Variants in JAG1 observed in about 807,000 individuals in gnomAD.
The protein encoded by JAG1 is jagged canonical Notch ligand 1, also known as protein jagged-1.
JAG1 carries 23 observed loss-of-function variants against 148.7 expected under a neutral mutation model. The ratio of observed to expected loss-of-function variants is 0.15; its 90% CI spans 0.11 to 0.22. The LOEUF (loss-of-function observed/expected upper bound fraction) is 0.22, where lower values mean the gene tolerates loss of function less well. Ranked by LOEUF, JAG1 falls within the 10% of genes least tolerant of loss-of-function variation. The probability of loss-of-function intolerance (pLI) is 1.00; values close to 1 mark genes in which losing one functional copy is unlikely to be tolerated. For synonymous variants in JAG1, 572 were observed against 598.3 expected (o/e 0.96, Z 0.64); for missense variants, 1,054 against 1,611.2 (o/e 0.65, Z 5.92).
At chr20:10,659,078 T>C (rs1270987396) in intron 3 of JAG1, among the ~76,000 whole-genome samples, 1 of 151,876 alleles carries the variant, frequency 6.6e-6, no homozygotes, top group Admixed American at 6.6e-5. Context: ...ACTCTAGAAA[T>C]GGAAGTGCTG....
At position 10,639,822 on chromosome 20, in the gene JAG1, G is replaced by A. The variant is rs141439542; in HGVS notation, c.3333C>T (p.Thr1111=). The A allele has an allele frequency of 8.1e-5, 131 of 1,614,186 alleles. No individual in the cohort carries two copies. The highest frequency in any genetic ancestry group is 1.0e-4 in the Non-Finnish European group (121 of 1,180,044). The change falls in exon 26 of 26, where the codon ACC becomes ACT. Residue 1111 remains threonine (T), a synonymous_variant. Coordinates refer to ENST00000254958, the MANE Select transcript of JAG1 (RefSeq NM_000214.3). ...TCAGCTGCTCCCGCACGTTGTTGGT[G>A]GTGTTGTCCTCAGAGGCTGAGTGTG... ...SHTHSASEDN[T]TNNVREQLNQ...
rs565643276 is a variant in JAG1 at position 10,649,679 on chromosome 20, C to T, written c.1235-44G>A. The T allele has an allele frequency of 4.6e-6, 5 of 1,098,088 alleles. No homozygotes were observed. In the African/African-American group the frequency reaches 7.7e-5, roughly 17 times the overall value. 68.0% of individuals were successfully genotyped at this position (1,098,088 alleles called of 1,614,324 possible). A position where few individuals can be genotyped will look rare whatever the true frequency, so the allele number is the denominator to read the frequency against. On this transcript the variant is annotated intron_variant, in intron 9 of 25. Transcript: ENST00000254958. The stretch of plus-strand genomic sequence containing the variant: ...GAGCATGAGAAATGAAGTTCAACCC[C>T]CATCTCCCCCACCTTGGAAAAAAAA...
intron 5 of JAG1, among the ~76,000 whole-genome samples, chr20:10,653,970 C>T (rs944772110): frequency 7.1e-6 from 1 of 141,160 alleles, no homozygotes; most frequent in African/African-American, 2.9e-5. Flanking sequence ...GGAATGTCAA[C>T]GTGACAAGTG....
At chr20:10,640,961 G>A (rs778966120) in intron 24 of JAG1, 28 bp from the exon 25 acceptor site, 43 of 1,613,702 alleles carry the variant, frequency 2.7e-5, no homozygotes, top group Non-Finnish European at 3.6e-5. Flanking sequence ...AGACTTGAGA[G>A]TCAGAGGAAT....
chr20:10,670,759 T>C (rs2067489597), intron 2 of JAG1, among the ~76,000 whole-genome samples: 1 of 152,202 alleles, frequency 6.6e-6, no homozygotes, highest in African/African-American at 2.4e-5. Context: ...TGGTGCCCCA[T>C]CGGTCTTCCC....
rs56122797 is a variant in JAG1, at chr20:10,669,547, C to CAAAAAAAAAAAA, written c.387+3142_387+3153dup. 1.1e-3 allele frequency among the ~76,000 whole-genome samples: 50 copies of CAAAAAAAAAAAA among 44,194 alleles called. 14 individuals carry two copies. Among genetic ancestry groups the CAAAAAAAAAAAA allele is most frequent in the Non-Finnish European group, 1.4e-3 (32 of 22,452 alleles). 29.0% of individuals were successfully genotyped at this position (44,194 alleles called of 152,430 possible). A position where few individuals can be genotyped will look rare whatever the true frequency, so the allele number is the denominator to read the frequency against. ...AAGAATCACGTTTCATTGGATTTTCCAAAAAAAAAAAAAAAAAAAAAAAAA... is the reference window on the plus strand; with the variant it reads ...AAGAATCACGTTTCATTGGATTTTCCAAAAAAAAAAAAAAAAAAAAAAAAAAAAAAAAAAAAA... On this transcript the variant is annotated intron_variant, in intron 2 of 25. Coordinates refer to ENST00000254958, the MANE Select transcript of JAG1 (RefSeq NM_000214.3).
In JAG1 at chr20:10,656,405, C is replaced by G; in HGVS notation, c.748G>C (p.Asp250His). The G allele has an allele frequency of 6.2e-7, 1 of 1,613,494 alleles. No individual in the cohort carries two copies. The highest frequency in any genetic ancestry group is 8.5e-7 in the Non-Finnish European group (1 of 1,179,474). Residue 250 changes from aspartate to histidine, a missense_variant, in exon 5 of 26, where the codon GAC (aspartate) becomes CAC (histidine). This residue lies in a region of JAG1 where 104 missense variants were observed against 235.2 expected (regional missense o/e 0.44). Transcript: ENST00000254958. ...AAAGACCAGTTGATTTACCTGCAGT[C>G]ACCTGGGAGTTTGCAAGACCCATGC... ...PKHGSCKLPG[D>H]CRCQYGWQGL...
chr20:10,639,795 G>T lies in JAG1; in HGVS notation c.3360C>A (p.Asn1120Lys), dbSNP rs1157149628. 6.2e-7 allele frequency: 1 copy of T among 1,614,134 alleles called. No individual in the cohort carries two copies. Among genetic ancestry groups the T allele is most frequent in the East Asian group, 2.2e-5 (1 of 44,868 alleles). ...NTTNNVREQLNQIKNPIEKHG... is the reference protein window; with the variant it reads ...NTTNNVREQLKQIKNPIEKHG... ...GTTTCTCAATGGGGTTTTTGATCTG[G>T]TTCAGCTGCTCCCGCACGTTGTTGG... The change falls in exon 26 of 26, where the codon AAC becomes AAA. Residue 1120 changes from asparagine to lysine, a missense_variant. By Grantham distance (94) the Asn-to-Lys change is moderately conservative. Coordinates refer to ENST00000254958, the MANE Select transcript of JAG1 (RefSeq NM_000214.3).
rs142379160 is a variant in JAG1 at position 10,670,859 on chromosome 20, G to T, written c.387+1842C>A. Among the ~76,000 whole-genome samples, 10 of 152,258 alleles carry T rather than the reference G, an allele frequency of 6.6e-5. No individual in the cohort carries two copies. The East Asian group carries it at 1.9e-3, about 29-fold the overall frequency. ...GAGCACCAGCAAATGCAAATCAATC[G>T]CCTCTCCTACCCTCCCACACTATTT... On this transcript the variant is annotated intron_variant, in intron 2 of 25. Coordinates refer to ENST00000254958, the MANE Select transcript of JAG1 (RefSeq NM_000214.3).
At chr20:10,647,895 T>C in intron 13 of JAG1, 65 bp downstream of exon 13, 7 of 1,518,528 alleles carry the variant, frequency 4.6e-6, no homozygotes, top group Non-Finnish European at 6.4e-6. Context: ...CAAGGGGCAG[T>C]GGTAGTAAGT....
intron 2 of JAG1, among the ~76,000 whole-genome samples, chr20:10,671,758 TCTTC>T (rs927205510): frequency 3.3e-5 from 5 of 152,134 alleles, no homozygotes; most frequent in African/African-American, 4.8e-5. Flanking sequence ...ATCGCACCCA[TCTTC>T]CTTCCACCCA....
chr20:10,638,255 A>G lies in JAG1; in HGVS notation c.*1243T>C, dbSNP rs1235882233. 1.3e-5 allele frequency: 2 copies of G among 152,426 alleles called. No homozygotes were observed. Among genetic ancestry groups the G allele is most frequent in the African/African-American group, 2.4e-5 (1 of 41,356 alleles). 9.4% of individuals were successfully genotyped at this position (152,426 alleles called of 1,614,324 possible). A position where few individuals can be genotyped will look rare whatever the true frequency, so the allele number is the denominator to read the frequency against. ...GGACATTTTATGGTTCAAGTATTCA[A>G]CTAGCTTATTAGAATACTCCCTAAA... On this transcript the variant is annotated 3_prime_UTR_variant, in exon 26 of 26. Coordinates refer to ENST00000254958, the MANE Select transcript of JAG1 (RefSeq NM_000214.3).
chr20:10,641,272 C>G, intron 23 of JAG1, 28 bp from the exon 24 acceptor site: 2 of 1,612,338 alleles, frequency 1.2e-6, no homozygotes, highest in Non-Finnish European at 8.5e-7. Flanking sequence ...AACCCACACA[C>G]GTGTAAGATT....
intron 2 of JAG1, among the ~76,000 whole-genome samples, chr20:10,666,852 C>G (rs948323884): frequency 2.0e-5 from 3 of 152,284 alleles, no homozygotes; most frequent in Admixed American, 2.0e-4. Context: ...AGAGGAGAGT[C>G]CTGGCATCAA....
At position 10,639,918 on chromosome 20, in the gene JAG1, C is replaced by T. The variant is rs752052700; in HGVS notation, c.3237G>A (p.Val1079=). The T allele has an allele frequency of 6.2e-7, 1 of 1,614,180 alleles. No homozygotes were observed. Among genetic ancestry groups the T allele is most frequent in the South Asian group, 1.1e-5 (1 of 91,086 alleles). ...CCGTCACCAAGCAACAGATCCAAGCCACAGTTAAGACAGAGCTCAGCAAGG... is the reference window on the plus strand; with the variant it reads ...CCGTCACCAAGCAACAGATCCAAGCTACAGTTAAGACAGAGCTCAGCAAGG... ...LVPLLSSVLT[V]AWICCLVTAF... The change falls in exon 26 of 26, where the codon GTG becomes GTA. Residue 1079 remains valine, a synonymous_variant. Transcript: ENST00000254958.
intron 3 of JAG1, among the ~76,000 whole-genome samples, chr20:10,662,909 G>A (rs965123969): frequency 6.6e-6 from 1 of 152,142 alleles, no homozygotes; most frequent in Non-Finnish European, 1.5e-5. Context: ...CTGGCACATC[G>A]GAGCTCAGCA....
At chr20:10,657,170 A>G (rs2067384617) in intron 4 of JAG1, among the ~76,000 whole-genome samples, 1 of 152,224 alleles carries the variant, frequency 6.6e-6, no homozygotes, top group Non-Finnish European at 1.5e-5. Context: ...GTTCGAGACC[A>G]GCCTCAACAA....
intron 8 of JAG1, chr20:10,650,711 G>A: frequency 3.3e-6 from 1 of 307,166 alleles, no homozygotes; most frequent in Non-Finnish European, 6.3e-6. Flanking sequence ...TAAGAAGTCA[G>A]GAAAAATAGT....
In JAG1 at chr20:10,672,884, G is replaced by A. The variant is rs565407240; in HGVS notation, c.204C>T (p.Arg68=). ...CTTTGAAGTATGTGTCACACTCGTC[G>A]CGGGTGCACTTGCGGTCTCCCGGGT... ...ARNPGDRKCT[R]DECDTYFKVC... Residue 68 remains arginine (R), a synonymous_variant, in exon 2 of 26, where the codon CGC becomes CGT. Coordinates refer to ENST00000254958, the MANE Select transcript of JAG1 (RefSeq NM_000214.3). The A allele has an allele frequency of 7.4e-6, 12 of 1,613,290 alleles. No individual in the cohort carries two copies. In the Admixed American group the frequency reaches 1.8e-4, roughly 25 times the overall value.
Sources: gnomAD v4.1 joint callset for allele counts (sites outside exome capture counted in the v4.1 genomes callset) on GRCh38, gnomAD v4.1.1 for gene constraint, gnomAD v4.1.1 regional missense constraint, MANE v1.5 for transcripts, NCBI Gene and HGNC (gene_info 2026-07-23, HGNC 2026-07-21) for gene names.